The following SGCE variants were observed in gnomAD, a reference collection of about 807,000 sequenced individuals.
The protein encoded by SGCE is sarcoglycan epsilon.
SGCE carries 26 observed loss-of-function variants against 57.8 expected under a neutral mutation model. That is an observed-to-expected ratio of 0.45 (90% CI 0.33 to 0.62). The LOEUF (loss-of-function observed/expected upper bound fraction) is 0.62, where lower values mean the gene tolerates loss of function less well. Ranked by LOEUF, SGCE falls within the 20% of genes least tolerant of loss-of-function variation. The probability of loss-of-function intolerance (pLI) is 0.02; values close to 1 mark genes in which losing one functional copy is unlikely to be tolerated. For synonymous variants in SGCE, 183 were observed against 189.5 expected (o/e 0.97, Z 0.28); for missense variants, 468 against 548.6 (o/e 0.85, Z 1.47).
Position 94,649,177 on chromosome 7 carries a change from G to A in SGCE, c.109+6813C>T, listed in dbSNP as rs1210810217. ...ACAAAGTGAAATGTGCTAAACATGC[G>A]TGGTTTTTAAATAATCAAATGCACT... On this transcript the variant is annotated intron_variant, in intron 1 of 10. Transcript: ENST00000648936. Among the ~76,000 whole-genome samples the A allele has an allele frequency of 8.5e-5, 13 of 152,184 alleles. No individual in the cohort carries two copies. The East Asian group carries it at 1.3e-3, about 16-fold the overall frequency.
In SGCE at chr7:94,600,804, C is replaced by G. The variant is rs781005887; in HGVS notation, c.879G>C (p.Gly293=). ...TGTATTCTCCACCATCAGGTAAAAT[C>G]CCCTCTCCACGAATCACTTCCTGAT... ...STYQEVIRGE[G]ILPDGGEYKP... is the part of the protein sequence containing the mutation. The change falls in exon 7 of 11, where the codon GGG becomes GGC. Residue 293 remains glycine, a synonymous_variant. Coordinates refer to ENST00000648936, the MANE Select transcript of SGCE (RefSeq NM_003919.3). The G allele has an allele frequency of 6.2e-7, 1 of 1,613,024 alleles. No individual in the cohort carries two copies. The highest frequency in any genetic ancestry group is 2.2e-5 in the East Asian group (1 of 44,830).
intron 1 of SGCE, among the ~76,000 whole-genome samples, chr7:94,639,032 G>A (rs1192195726): frequency 6.6e-6 from 1 of 152,094 alleles, no homozygotes; most frequent in Non-Finnish European, 1.5e-5. Context: ...ACCACAGTAG[G>A]ACAATTTTTA....
chr7:94,639,240 A>G, intron 1 of SGCE: 1 of 736,484 alleles, frequency 1.4e-6, no homozygotes. Flanking sequence ...ACTAACAACA[A>G]CAACAAAAAG....
At position 94,623,391 on chromosome 7, in the gene SGCE, C is replaced by A; in HGVS notation, c.397G>T (p.Ala133Ser). 1 of 1,595,960 alleles carries A rather than the reference C, an allele frequency of 6.3e-7. No individual in the cohort carries two copies. The change falls in exon 4 of 11, where the codon GCC (alanine) becomes TCC (serine). Residue 133 changes from alanine to serine, a missense_variant. Coordinates refer to ENST00000648936, the MANE Select transcript of SGCE (RefSeq NM_003919.3). ...VGKPTIIEIT[A>S]YNRRTFETAR... ...GTCTCAAAGGTGCGCCTGTTGTAGG[C>A]AGTTATCTATTATAAAAGGAAAACC...
intron 9 of SGCE, chr7:94,598,005 C>T (rs187779441): frequency 6.0e-6 from 1 of 166,220 alleles, no homozygotes; most frequent in Non-Finnish European, 1.3e-5. Context: ...GAAACTCCAT[C>T]TTAAAAAAAA....
intron 4 of SGCE, chr7:94,621,931 A>T (rs1051753055): frequency 2.0e-5 from 3 of 152,170 alleles, no homozygotes; most frequent in African/African-American, 7.2e-5. Context: ...TGCTTTTCAT[A>T]TATGAAGGTC....
intron 1 of SGCE, among the ~76,000 whole-genome samples, chr7:94,655,009 C>T (rs1340905888): frequency 1.3e-5 from 2 of 152,226 alleles, no homozygotes; most frequent in African/African-American, 4.8e-5. Flanking sequence ...ATTTTAGCGT[C>T]TTATCAGCCA....
intron 6 of SGCE, among the ~76,000 whole-genome samples, chr7:94,601,135 C>T (rs1008753257): frequency 6.6e-5 from 10 of 151,962 alleles, no homozygotes; most frequent in East Asian, 1.9e-4. Flanking sequence ...TGTGCCTATA[C>T]GTGTAGTTGT....
intron 9 of SGCE, among the ~76,000 whole-genome samples, chr7:94,596,459 C>T (rs893015971): frequency 6.6e-6 from 1 of 152,250 alleles, no homozygotes; most frequent in Admixed American, 6.5e-5. Flanking sequence ...TAAAATTCTA[C>T]AGCACTGTTT....
At chr7:94,638,147 C>A (rs1204601787) in intron 1 of SGCE, among the ~76,000 whole-genome samples, 1 of 152,134 alleles carries the variant, frequency 6.6e-6, no homozygotes, top group Non-Finnish European at 1.5e-5. Flanking sequence ...TGTCCTGGAA[C>A]AAGTGCATCT....
intron 1 of SGCE, among the ~76,000 whole-genome samples, chr7:94,638,489 T>C (rs1019634860): frequency 6.6e-6 from 1 of 152,230 alleles, no homozygotes; most frequent in African/African-American, 2.4e-5. Context: ...ATTATCATCT[T>C]ATCACATAAA....
chr7:94,594,370 A>G (rs1798100156), intron 9 of SGCE: 3 of 152,148 alleles, frequency 2.0e-5, no homozygotes, highest in Admixed American at 6.6e-5. Flanking sequence ...CTACAAAGAT[A>G]ACTAAGTACA....
chr7:94,633,124 G>A (rs776201307), intron 1 of SGCE, among the ~76,000 whole-genome samples: 3 of 151,968 alleles, frequency 2.0e-5, no homozygotes, highest in Non-Finnish European at 2.9e-5. Flanking sequence ...TCTGTGTATC[G>A]CATGGTTTTG....
intron 1 of SGCE, among the ~76,000 whole-genome samples, chr7:94,632,802 AAAC>A (rs1014652233): frequency 1.1e-3 from 162 of 152,152 alleles, no homozygotes; most frequent in African/African-American, 3.7e-3. Context: ...TTCCTTTCAA[AAAC>A]AACAAATGAC....
In SGCE at chr7:94,600,257, A is replaced by T. The variant is rs1357316; in HGVS notation, c.1037+389T>A. 7 of 210,056 alleles carry T rather than the reference A, an allele frequency of 3.3e-5. No homozygotes were observed. The East Asian group carries it at 9.0e-4, about 27-fold the overall frequency. The allele number at this position is 210,056 out of a possible 1,614,324, so 13.0% of individuals were successfully genotyped here. On this transcript the variant is annotated intron_variant, in intron 7 of 10. Transcript: ENST00000648936. ...CCTGTTTGACAGCAGAATGATTTCAAGAGTTTTGACCATCACTTCTGATCA... is the reference window on the plus strand; with the variant it reads ...CCTGTTTGACAGCAGAATGATTTCATGAGTTTTGACCATCACTTCTGATCA...
chr7:94,631,779 T>G (rs1274191889), intron 1 of SGCE, among the ~76,000 whole-genome samples: 1 of 151,956 alleles, frequency 6.6e-6, no homozygotes. Context: ...AAAAGTCATT[T>G]CACTCTGTAT....
chr7:94,639,467 A>C, intron 1 of SGCE: 5 of 1,407,590 alleles, frequency 3.6e-6, no homozygotes, highest in Non-Finnish European at 4.8e-6. Context: ...AATAAAACAA[A>C]TGTACAAAAA....
rs370800943 is a variant in SGCE, at chr7:94,598,871, G to C, written c.1157C>G (p.Thr386Arg). ...KNREIAWPLS[T>R]LPVFHPVTGE... ...AGTCACAGGGTGGAACACAGGAAGC[G>C]TTGACAGGGGCCATGCTATCTCTCT... Residue 386 changes from threonine to arginine, a missense_variant, in exon 9 of 11, where the codon ACG becomes AGG. By Grantham distance (71) the Thr-to-Arg change is moderately conservative. Coordinates refer to ENST00000648936, the MANE Select transcript of SGCE (RefSeq NM_003919.3). 4.2e-5 allele frequency: 67 copies of C among 1,612,094 alleles called. No homozygotes were observed. The Middle Eastern group carries it at 6.6e-4, about 16-fold the overall frequency.
Position 94,628,221 on chromosome 7 carries a change from C to T in SGCE, c.371G>A (p.Gly124Glu). ...LYGSPTAENV[G>E]KPTIIEITAY... ...AATTACCTCAATGATTGTTGGCTTC[C>T]CCACATTTTCAGCTGTTGGGGACCC... Residue 124 changes from glycine (G) to glutamate (E), a missense_variant, in exon 3 of 11, where the codon GGG (glycine) becomes GAG (glutamate). Coordinates refer to ENST00000648936, the MANE Select transcript of SGCE (RefSeq NM_003919.3). 1 of 1,611,438 alleles carries T rather than the reference C, an allele frequency of 6.2e-7. No homozygotes were observed. The highest frequency in any genetic ancestry group is 2.2e-5 in the East Asian group (1 of 44,784).
Sources: gnomAD v4.1 joint callset for allele counts (sites outside exome capture counted in the v4.1 genomes callset) on GRCh38, gnomAD v4.1.1 for gene constraint, MANE v1.5 for transcripts, NCBI Gene and HGNC (gene_info 2026-07-23, HGNC 2026-07-21) for gene names.